PDE9A: variants seen among roughly 807,000 people sequenced by gnomAD.
PDE9A encodes the protein phosphodiesterase 9A, also known as high affinity cGMP-specific 3',5'-cyclic phosphodiesterase 9A.
Under a neutral mutation model 87.4 loss-of-function variants are expected in PDE9A, and 60 were observed. That is an observed-to-expected ratio of 0.69 (90% confidence interval 0.56 to 0.85). PDE9A has a LOEUF of 0.85. Among genes scored for constraint, PDE9A ranks in the 40% least tolerant of loss-of-function variants. The pLI is 0.00. For synonymous variants in PDE9A, 272 were observed against 279.4 expected (o/e 0.97, Z 0.27); for missense variants, 665 against 779.0 (o/e 0.85, Z 1.74).
At chr21:42,743,989 A>C in intron 8 of PDE9A, 129 bp downstream of exon 8, 1 of 641,238 alleles carries the variant, frequency 1.6e-6, no homozygotes, top group Admixed American at 2.7e-5. Context: ...CAGGCTTGGG[A>C]GAGTGCAGTC....
In PDE9A at chr21:42,695,155, T is replaced by C. The variant is rs924961358; in HGVS notation, c.219-3813T>C. ...TGGAAAATATGGAAAATAGGCTGAT[T>C]GGCTTCCACTCCCTTTTAGAGCTGG... is the stretch of plus-strand genomic sequence containing the variant. On this transcript the variant is annotated intron_variant, in intron 3 of 19. Transcript: ENST00000291539. The surrounding 1 kb of genome is among the most constrained non-coding windows in gnomAD (Gnocchi z 4.3). Among the ~76,000 whole-genome samples, 4 of 152,228 alleles carry C rather than the reference T, an allele frequency of 2.6e-5. No individual in the cohort carries two copies. The highest frequency in any genetic ancestry group is 5.9e-5 in the Non-Finnish European group (4 of 68,032).
intron 4 of PDE9A, among the ~76,000 whole-genome samples, chr21:42,729,464 T>C (rs2146690701): frequency 6.6e-6 from 1 of 152,346 alleles, no homozygotes; most frequent in Admixed American, 6.5e-5. Flanking sequence ...TTTTCTGCAT[T>C]GTTTTTCTGT....
intron 4 of PDE9A, among the ~76,000 whole-genome samples, chr21:42,718,374 G>A (rs7281614): frequency 0.69 from 103,955 of 151,678 alleles, 37,549 homozygotes; most frequent in East Asian, 0.94. Context: ...CAGCCATTAC[G>A]TGTTATATGT....
chr21:42,691,205 G>C (rs1239842029), intron 3 of PDE9A, among the ~76,000 whole-genome samples: 1 of 139,894 alleles, frequency 7.1e-6, no homozygotes, highest in African/African-American at 2.8e-5. Context: ...ACCATCCAGA[G>C]TCACCCAGTC....
chr21:42,710,173 C>T (rs71320550), intron 4 of PDE9A, among the ~76,000 whole-genome samples: 6,930 of 152,006 alleles, frequency 0.046, 276 homozygotes, highest in African/African-American at 0.1. Flanking sequence ...TTTGGGAGGC[C>T]GAGGCGGGCG....
intron 1 of PDE9A, among the ~76,000 whole-genome samples, chr21:42,668,271 G>A (rs2058143034): frequency 6.6e-6 from 1 of 152,124 alleles, no homozygotes; most frequent in Non-Finnish European, 1.5e-5. Flanking sequence ...AGGGTCCAGG[G>A]AGCCCAGATT....
intron 1 of PDE9A, among the ~76,000 whole-genome samples, chr21:42,669,061 C>T: frequency 6.6e-6 from 1 of 152,138 alleles, no homozygotes; most frequent in East Asian, 1.9e-4. Flanking sequence ...TCAAGGACTC[C>T]CATTGCTTGC....
rs1379401351 is a variant in PDE9A at position 42,723,646 on chromosome 21, C to T, written c.263-8124C>T. ...TATTCTATTGGTTGTTCTTGGGGGA[C>T]AGCTTCCTTTGGAGAACATGTGAGT... On this transcript the variant is annotated intron_variant, in intron 4 of 19. Transcript: ENST00000291539. This position sits in a 1 kb window ranked among gnomAD's most constrained non-coding sequence, Gnocchi z 4.3. Among the ~76,000 whole-genome samples the T allele has an allele frequency of 2.6e-5, 4 of 152,172 alleles. No homozygotes were observed. Among genetic ancestry groups the T allele is most frequent in the African/African-American group, 7.2e-5 (3 of 41,434 alleles).
Position 42,759,892 on chromosome 21 carries a change from T to G in PDE9A, c.898-436T>G, listed in dbSNP as rs573126614. ...ATGTGGGTGTCTGCCTGTGTGAATA[T>G]GTTTGGCAGCAGGTTTTTTTAATGA... On this transcript the variant is annotated intron_variant, in intron 11 of 19. Coordinates refer to ENST00000291539, the MANE Select transcript of PDE9A (RefSeq NM_002606.3). The surrounding 1 kb of genome is among the most constrained non-coding windows in gnomAD (Gnocchi z 7.2). 6.6e-6 allele frequency among the ~76,000 whole-genome samples: 1 copy of G among 152,066 alleles called. No homozygotes were observed. The highest frequency in any genetic ancestry group is 1.9e-4 in the East Asian group (1 of 5,184).
intron 3 of PDE9A, chr21:42,690,080 G>A: frequency 1.0e-6 from 1 of 985,098 alleles, no homozygotes; most frequent in Non-Finnish European, 1.2e-6. Context: ...AGACGCGGGT[G>A]AGGATACAGG....
At chr21:42,693,295 G>A (rs1319498688) in intron 3 of PDE9A, among the ~76,000 whole-genome samples, 1 of 141,188 alleles carries the variant, frequency 7.1e-6, no homozygotes, top group Non-Finnish European at 1.5e-5. Context: ...AACCACCCAG[G>A]AATCTTTTTT....
chr21:42,768,907 T>C, intron 16 of PDE9A, 120 bp from the exon 17 acceptor site: 2 of 1,496,444 alleles, frequency 1.3e-6, no homozygotes, highest in Non-Finnish European at 1.8e-6. Flanking sequence ...CTGAGACACA[T>C]TTGTGGTGTG....
intron 19 of PDE9A, among the ~76,000 whole-genome samples, chr21:42,773,375 G>T (rs932368781): frequency 1.3e-5 from 2 of 151,702 alleles, no homozygotes; most frequent in African/African-American, 4.8e-5. Context: ...CTTTTTAAAA[G>T]TGCAATTGAA....
At position 42,653,812 on chromosome 21, in the gene PDE9A, A is replaced by C; in HGVS notation, c.-3A>C. 5 of 1,481,300 alleles carry C rather than the reference A, an allele frequency of 3.4e-6. No individual in the cohort carries two copies. The highest frequency in any genetic ancestry group is 4.5e-6 in the Non-Finnish European group (5 of 1,108,476). 91.8% of individuals were successfully genotyped at this position (1,481,300 alleles called of 1,614,324 possible). ...AAGTCCGAGTGCAGCCGCCGGGCGCAGGATGGGATCCGGCTCCTCCAGCTA... is the reference window on the plus strand; with the variant it reads ...AAGTCCGAGTGCAGCCGCCGGGCGCCGGATGGGATCCGGCTCCTCCAGCTA... On this transcript the variant is annotated 5_prime_UTR_variant, in exon 1 of 20. Coordinates refer to ENST00000291539, the MANE Select transcript of PDE9A (RefSeq NM_002606.3).
Position 42,769,276 on chromosome 21 carries a change from C to T in PDE9A, c.1590+121C>T, listed in dbSNP as rs548920614. 6.5e-4 allele frequency: 595 copies of T among 908,894 alleles called. 5 individuals are homozygous for T. The highest frequency in any genetic ancestry group is 5.1e-3 in the Middle Eastern group (22 of 4,348). The allele number at this position is 908,894 out of a possible 1,614,324, so 56.3% of individuals were successfully genotyped here. ...ACACAGACACACACTCATGCACACA[C>T]GTACACAGATACACACAGACGCACA... is the stretch of plus-strand genomic sequence containing the variant. On this transcript the variant is annotated intron_variant, in intron 17 of 19. Transcript: ENST00000291539.
intron 1 of PDE9A, among the ~76,000 whole-genome samples, chr21:42,658,880 G>A (rs2057286333): frequency 6.6e-6 from 1 of 152,212 alleles, no homozygotes; most frequent in African/African-American, 2.4e-5. Flanking sequence ...GGTTTCCAGT[G>A]TATGAATGGA....
chr21:42,709,302 G>A (rs2049099689), intron 4 of PDE9A, among the ~76,000 whole-genome samples: 1 of 152,134 alleles, frequency 6.6e-6, no homozygotes, highest in South Asian at 2.1e-4. Flanking sequence ...GGGCCTGTTG[G>A]GAGGGTTGGG....
intron 1 of PDE9A, among the ~76,000 whole-genome samples, chr21:42,678,765 C>T (rs1447256978): frequency 6.6e-6 from 1 of 152,252 alleles, no homozygotes; most frequent in Non-Finnish European, 1.5e-5. Context: ...CGGCGGCCAC[C>T]TCCCGGGGGA....
intron 6 of PDE9A, among the ~76,000 whole-genome samples, chr21:42,732,992 C>T (rs952990642): frequency 6.6e-6 from 1 of 152,182 alleles, no homozygotes; most frequent in Admixed American, 6.5e-5. Context: ...ACAGGTCCTC[C>T]GAAGGTGTCT....
Sources: gnomAD v4.1 joint callset for allele counts (sites outside exome capture counted in the v4.1 genomes callset) on GRCh38, gnomAD v4.1.1 for gene constraint, Gnocchi (gnomAD v3.1) non-coding constraint, MANE v1.5 for transcripts, NCBI Gene and HGNC (gene_info 2026-07-23, HGNC 2026-07-21) for gene names.